The following TBCD variants were observed in gnomAD, a reference collection of about 807,000 sequenced individuals.
TBCD encodes the protein tubulin folding cofactor D.
TBCD carries 105 observed loss-of-function variants against 169.3 expected under a neutral mutation model. The ratio of observed to expected loss-of-function variants is 0.62; its 90% CI spans 0.53 to 0.73. The LOEUF is 0.73. Ranked by LOEUF, TBCD falls within the 30% of genes least tolerant of loss-of-function variation. The probability of loss-of-function intolerance (pLI) is 0.00; values close to 1 mark genes in which losing one functional copy is unlikely to be tolerated. For synonymous variants in TBCD, 700 were observed against 643.9 expected, an observed-to-expected ratio of 1.09 and a Z score of -1.32; for missense variants, 1,444 against 1,600.1, an observed-to-expected ratio of 0.90 and a Z score of 1.66.
intron 8 of TBCD, among the ~76,000 whole-genome samples, chr17:82,798,377 A>C (rs1156434830): frequency 6.6e-6 from 1 of 152,056 alleles, no homozygotes; most frequent in African/African-American, 2.4e-5. Context: ...CGATCTCCTG[A>C]CCTTGAGATC....
intron 18 of TBCD, among the ~76,000 whole-genome samples, chr17:82,902,763 G>A (rs372517978): frequency 1.3e-5 from 2 of 152,114 alleles, no homozygotes; most frequent in Non-Finnish European, 2.9e-5. Context: ...TTACATGGTC[G>A]CCCTCATGAT....
intron 7 of TBCD, among the ~76,000 whole-genome samples, chr17:82,790,771 A>C (rs1027093019): frequency 1.3e-5 from 2 of 152,134 alleles, no homozygotes; most frequent in African/African-American, 4.8e-5. Context: ...TGGTGTCCAC[A>C]GTGGATAACC....
At chr17:82,882,357 G>A (rs976892695) in intron 14 of TBCD, among the ~76,000 whole-genome samples, 1 of 152,232 alleles carries the variant, frequency 6.6e-6, no homozygotes, top group Non-Finnish European at 1.5e-5. Context: ...GGAGGAGACT[G>A]TGGCCCTGTG....
chr17:82,932,246 G>A (rs1051726408), intron 33 of TBCD: 5 of 305,082 alleles, frequency 1.6e-5, no homozygotes, highest in African/African-American at 1.1e-4. Context: ...CGCGTCTTGA[G>A]TGAGGTTTCT....
intron 18 of TBCD, among the ~76,000 whole-genome samples, chr17:82,902,019 G>A (rs182929099): frequency 1.1e-4 from 17 of 152,300 alleles, no homozygotes; most frequent in Admixed American, 5.9e-4. Flanking sequence ...CCGTGGCGTC[G>A]GAGCTGTGGG....
intron 13 of TBCD, among the ~76,000 whole-genome samples, chr17:82,840,750 T>G (rs1211680541): frequency 6.6e-6 from 1 of 151,246 alleles, no homozygotes; most frequent in Non-Finnish European, 1.5e-5. Flanking sequence ...AGTTTTTACC[T>G]CCACACCCCC....
chr17:82,871,753 G>A (rs752895277), intron 14 of TBCD, among the ~76,000 whole-genome samples: 1 of 152,206 alleles, frequency 6.6e-6, no homozygotes, highest in Non-Finnish European at 1.5e-5. Flanking sequence ...CACCAGCAGG[G>A]CCTCCCCGGC....
chr17:82,937,437 C>A, intron 35 of TBCD, 77 bp downstream of exon 35: 1 of 1,311,240 alleles, frequency 7.6e-7, no homozygotes, highest in African/African-American at 1.5e-5. Flanking sequence ...GAGTCCACGG[C>A]TCCAGGCGGG....
At chr17:82,819,144 T>G (rs946157561) in intron 13 of TBCD, among the ~76,000 whole-genome samples, 2 of 152,228 alleles carry the variant, frequency 1.3e-5, no homozygotes, top group African/African-American at 4.8e-5. Flanking sequence ...GTTTGATGAC[T>G]AAAGCTTTTG....
intron 7 of TBCD, among the ~76,000 whole-genome samples, chr17:82,785,240 T>C (rs1480347920): frequency 7.1e-5 from 7 of 99,016 alleles, no homozygotes; most frequent in Non-Finnish European, 8.2e-5. Flanking sequence ...GACCACTGGA[T>C]CCCACCCATC....
chr17:82,841,298 C>A (rs11656410), intron 13 of TBCD, among the ~76,000 whole-genome samples: 101 of 151,322 alleles, frequency 6.7e-4, no homozygotes, highest in African/African-American at 2.4e-3. Context: ...CATGGCTTTG[C>A]GTTTACTTTT....
chr17:82,843,545 ACCCTT>A (rs1159347521), intron 13 of TBCD, among the ~76,000 whole-genome samples: 13 of 85,240 alleles, frequency 1.5e-4, no homozygotes, highest in African/African-American at 5.5e-4. Context: ...CAGCTTACTT[ACCCTT>A]CCCTTCCCCT....
At chr17:82,939,293 C>A in intron 36 of TBCD, 74 bp from the exon 37 acceptor site, 1 of 1,237,350 alleles carries the variant, frequency 8.1e-7, no homozygotes, top group Non-Finnish European at 1.1e-6. Flanking sequence ...GGCTCCCTGG[C>A]CTGGGTCCTG....
rs749287069 is a variant in TBCD at position 82,814,943 on chromosome 17, C to T, written c.1318+9C>T. The T allele has an allele frequency of 6.2e-7, 1 of 1,608,580 alleles. No individual in the cohort carries two copies. Among genetic ancestry groups the T allele is most frequent in the Non-Finnish European group, 8.5e-7 (1 of 1,178,358 alleles). On this transcript the variant is annotated intron_variant, in intron 13 of 38. Transcript: ENST00000355528. ...GTCTCGACTCGTGGATGGTGAGTAG[C>T]TGAGGCACGGTCAGGGGGGATGTCT...
chr17:82,829,781 A>G (rs1452443743), intron 13 of TBCD: 1 of 223,366 alleles, frequency 4.5e-6, no homozygotes, highest in East Asian at 9.9e-5. Context: ...ATTTACATCA[A>G]ATATGCAGCT....
chr17:82,897,393 CT>C (rs1315012387), intron 17 of TBCD, among the ~76,000 whole-genome samples: 1 of 151,852 alleles, frequency 6.6e-6, no homozygotes, highest in Non-Finnish European at 1.5e-5. Flanking sequence ...TGGCGCACCC[CT>C]GTAATCCCAG....
At chr17:82,802,670 C>G (rs2050660020) in intron 9 of TBCD, among the ~76,000 whole-genome samples, 1 of 152,236 alleles carries the variant, frequency 6.6e-6, no homozygotes, top group African/African-American at 2.4e-5. Flanking sequence ...CTTCCCCCCT[C>G]CTCAGGGAGG....
Position 82,830,141 on chromosome 17 carries a change from G to A in TBCD, c.1318+15207G>A, listed in dbSNP as rs970741423. The stretch of plus-strand genomic sequence containing the variant: ...CTGTGAACACACGTGTGAACCCGGC[G>A]TTAGGACACCCGGGCCCTCCTTCGT... On this transcript the variant is annotated intron_variant, in intron 13 of 38. Transcript: ENST00000355528. 3.7e-6 allele frequency: 6 copies of A among 1,613,586 alleles called. No individual in the cohort carries two copies. The East Asian group carries it at 1.1e-4, about 30-fold the overall frequency.
At chr17:82,830,618 G>A in intron 13 of TBCD, 1 of 1,614,020 alleles carries the variant, frequency 6.2e-7, no homozygotes. Context: ...GGGAAGGCAG[G>A]CCTCGGAGCC....
Sources: allele counts gnomAD v4.1 joint callset (sites outside exome capture counted in the v4.1 genomes callset), GRCh38; gene constraint gnomAD v4.1.1; transcripts MANE v1.5; gene names NCBI Gene and HGNC (gene_info 2026-07-23, HGNC 2026-07-21).